IL10RB: variants seen among roughly 807,000 people sequenced by gnomAD.
IL10RB encodes the protein interleukin 10 receptor subunit beta.
A neutral mutation model predicts 38.7 loss-of-function variants in IL10RB; 30 were observed. The observed-to-expected ratio is 0.78, with a 90% confidence interval of 0.58 to 1.05. The LOEUF (loss-of-function observed/expected upper bound fraction) is 1.05, where lower values mean the gene tolerates loss of function less well. Ranked by LOEUF, IL10RB falls within the 50% of genes least tolerant of loss-of-function variation. The pLI, the probability that IL10RB is intolerant of heterozygous loss-of-function variation, is 0.00. For synonymous variants in IL10RB, 142 were observed against 145.9 expected (o/e 0.97, Z 0.19); for missense variants, 328 against 397.1 (o/e 0.83, Z 1.48).
chr21:33,276,802 GT>G (rs1238222757), intron 3 of IL10RB, 49 bp downstream of exon 3: 4 of 1,550,958 alleles, frequency 2.6e-6, no homozygotes, highest in Non-Finnish European at 3.6e-6. Flanking sequence ...ATCTTGCCTT[GT>G]TTTTTTCCAC....
intron 1 of IL10RB, 174 bp from the exon 2 acceptor site, chr21:33,268,220 T>C: frequency 6.6e-7 from 1 of 1,519,910 alleles, no homozygotes; most frequent in South Asian, 1.2e-5. Flanking sequence ...TCCTCACGGC[T>C]GTTCAAAGAA....
At chr21:33,309,706 A>G (rs946341621) in exon 2 of IL10RB, 1 of 152,250 alleles carries the variant, frequency 6.6e-6, no homozygotes. Context: ...TGTATTGCTT[A>G]TGCATGCTTT....
intron 6 of IL10RB, among the ~76,000 whole-genome samples, chr21:33,293,806 CAAA>C (rs5843595): frequency 1.4e-3 from 207 of 145,744 alleles, no homozygotes; most frequent in Middle Eastern, 3.5e-3. Context: ...GACTCGATCT[CAAA>C]AAAAAAAAAA....
intron 6 of IL10RB, among the ~76,000 whole-genome samples, chr21:33,289,032 C>T (rs2123594077): frequency 6.6e-6 from 1 of 152,348 alleles, no homozygotes; most frequent in South Asian, 2.1e-4. Flanking sequence ...AGCTGTCACA[C>T]AGCCACAACA....
At chr21:33,269,057 G>A (rs556735304) in intron 2 of IL10RB, among the ~76,000 whole-genome samples, 14 of 152,288 alleles carry the variant, frequency 9.2e-5, no homozygotes, top group African/African-American at 2.6e-4. Context: ...TTTGCATAAT[G>A]AGTGCTCAGT....
intron 2 of IL10RB, among the ~76,000 whole-genome samples, chr21:33,275,855 T>C (rs1287940171): frequency 1.3e-5 from 2 of 152,232 alleles, no homozygotes; most frequent in Non-Finnish European, 2.9e-5. Flanking sequence ...ACAACATCTA[T>C]TGATTAATTT....
chr21:33,282,130 C>T (rs1197095322), intron 4 of IL10RB, among the ~76,000 whole-genome samples: 1 of 151,836 alleles, frequency 6.6e-6, no homozygotes, highest in Admixed American at 6.6e-5. Flanking sequence ...AAACCATTTT[C>T]TTCATATATT....
At position 33,296,070 on chromosome 21, in the gene IL10RB, A is replaced by G; in HGVS notation, c.805-114A>G. The G allele has an allele frequency of 2.8e-6, 2 of 712,174 alleles. 1 individual carries two copies. Among genetic ancestry groups the G allele is most frequent in the South Asian group, 3.9e-5 (2 of 50,668 alleles). 44.1% of individuals were successfully genotyped at this position (712,174 alleles called of 1,614,324 possible). On this transcript the variant is annotated intron_variant, in intron 6 of 6. Transcript: ENST00000290200. ...AAAAAATAAAATAAACATTAAAAAT[A>G]AATAAATAAAATAAAATAGATTTTC...
In IL10RB at chr21:33,296,270, C is replaced by T. The variant is rs373486817; in HGVS notation, c.891C>T (p.Val297=). The T allele has an allele frequency of 3.1e-6, 5 of 1,613,950 alleles. No homozygotes were observed. In the African/African-American group the frequency reaches 4.0e-5, roughly 13 times the overall value. The change falls in exon 7 of 7, where the codon GTC becomes GTT. Residue 297 remains valine, a synonymous_variant. Transcript: ENST00000290200. ...DENDVFDKLS[V]IAEDSESGKQ... ...ATGATGTTTTTGACAAGCTAAGTGT[C>T]ATTGCAGAAGACTCTGAGAGCGGCA...
At chr21:33,307,521 A>G (rs575534449) in intron 1 of IL10RB, among the ~76,000 whole-genome samples, 1 of 152,272 alleles carries the variant, frequency 6.6e-6, no homozygotes, top group East Asian at 1.9e-4. Context: ...TTTACCGACA[A>G]ACTGAATTTG....
intron 1 of IL10RB, among the ~76,000 whole-genome samples, chr21:33,266,724 G>A (rs1372984966): frequency 6.6e-6 from 1 of 152,198 alleles, no homozygotes; most frequent in East Asian, 1.9e-4. Context: ...ATCCGCGCCC[G>A]GATTACAGAC....
chr21:33,283,196 G>A lies in IL10RB; in HGVS notation c.601G>A (p.Ala201Thr). ...AGGGTTTCTTCCTGATCGGAACAAAGCTGGGGAATGGAGTGAGCCTGTCTG... is the reference window on the plus strand; with the variant it reads ...AGGGTTTCTTCCTGATCGGAACAAAACTGGGGAATGGAGTGAGCCTGTCTG... Reference protein sequence around the residue: ...VRGFLPDRNKAGEWSEPVCEQ... With the variant: ...VRGFLPDRNKTGEWSEPVCEQ... Residue 201 changes from alanine (A) to threonine (T), a missense_variant, in exon 5 of 7, where the codon GCT becomes ACT. Coordinates refer to ENST00000290200, the MANE Select transcript of IL10RB (RefSeq NM_000628.5). 6.2e-7 allele frequency: 1 copy of A among 1,614,142 alleles called. No individual in the cohort carries two copies.
chr21:33,284,308 A>G (rs1025740630), intron 5 of IL10RB, among the ~76,000 whole-genome samples: 7 of 150,638 alleles, frequency 4.6e-5, no homozygotes, highest in East Asian at 1.9e-4. Flanking sequence ...AAAAAAAAAA[A>G]AAAAGAAAAG....
downstream of IL10RB, among the ~76,000 whole-genome samples, chr21:33,300,472 T>C (rs1374139542): frequency 6.6e-6 from 1 of 151,164 alleles, no homozygotes; most frequent in Non-Finnish European, 1.5e-5. Flanking sequence ...ACAAAAGCCT[T>C]CTTGGGATAC....
chr21:33,300,686 G>A (rs2082983785), downstream of IL10RB, among the ~76,000 whole-genome samples: 2 of 152,196 alleles, frequency 1.3e-5, no homozygotes. Flanking sequence ...GGTGGTGAAT[G>A]GGATTAATGA....
intron 6 of IL10RB, 141 bp downstream of exon 6, chr21:33,288,402 C>G: frequency 1.6e-6 from 1 of 636,688 alleles, no homozygotes; most frequent in Non-Finnish European, 2.8e-6. Flanking sequence ...CACACACACA[C>G]ACAGACACGC....
chr21:33,271,951 G>T (rs984759209), intron 2 of IL10RB, among the ~76,000 whole-genome samples: 1 of 151,734 alleles, frequency 6.6e-6, no homozygotes, highest in East Asian at 1.9e-4. Flanking sequence ...TAATTAGCTG[G>T]ACTTGAGTTG....
intron 1 of IL10RB, among the ~76,000 whole-genome samples, chr21:33,303,853 T>C (rs2040108): frequency 0.77 from 117,209 of 152,012 alleles, 45,852 homozygotes; most frequent in African/African-American, 0.9. Flanking sequence ...AGGCCAGGGA[T>C]AGGCAGGTGA....
At chr21:33,303,331 AG>A (rs2082990527) in intron 1 of IL10RB, among the ~76,000 whole-genome samples, 2 of 144,110 alleles carry the variant, frequency 1.4e-5, no homozygotes, top group South Asian at 4.6e-4. Flanking sequence ...GTGAGTGATG[AG>A]GGCTTCACTG....
Sources: allele counts gnomAD v4.1 joint callset (sites outside exome capture counted in the v4.1 genomes callset), GRCh38; gene constraint gnomAD v4.1.1; transcripts MANE v1.5; gene names NCBI Gene and HGNC (gene_info 2026-07-23, HGNC 2026-07-21).